Variants in CENPH observed in about 807,000 individuals in gnomAD.
CENPH encodes centromere protein H, also known as CENP-H.
Under a neutral mutation model 42.9 loss-of-function variants are expected in CENPH, and 40 were observed. The observed-to-expected ratio is 0.93, with a 90% CI of 0.72 to 1.21. The LOEUF (loss-of-function observed/expected upper bound fraction) is 1.21. Among genes scored for constraint, CENPH ranks in the 50% most tolerant of loss-of-function variants. The probability of loss-of-function intolerance (pLI) is 0.00; values close to 1 mark genes in which losing one functional copy is unlikely to be tolerated. For synonymous variants in CENPH, 88 were observed against 96.5 expected, an observed-to-expected ratio of 0.91 and a Z score of 0.52; for missense variants, 302 against 292.9, an observed-to-expected ratio of 1.03 and a Z score of -0.23.
intron 8 of CENPH, among the ~76,000 whole-genome samples, chr5:69,209,495 C>T (rs966471203): frequency 2.0e-5 from 3 of 151,110 alleles, no homozygotes; most frequent in Admixed American, 6.6e-5. Context: ...CTGAAGACCG[C>T]ACCATTGCAC....
intron 2 of CENPH, among the ~76,000 whole-genome samples, chr5:69,192,608 G>T (rs905207903): frequency 1.3e-5 from 2 of 151,970 alleles, no homozygotes; most frequent in African/African-American, 4.8e-5. Flanking sequence ...GTGAGACCTC[G>T]TCCCTACAAA....
chr5:69,204,597 C>CTTTTTTTTTTTTTTTTTTTT (rs530678541), intron 7 of CENPH, among the ~76,000 whole-genome samples: 1 of 69,594 alleles, frequency 1.4e-5, no homozygotes, highest in Non-Finnish European at 2.5e-5. Context: ...GCTTGTATTT[C>CTTTTTTTTTTTTTTTTTTTT]TTTTTTTTTT....
At chr5:69,205,762 G>A (rs1047347231) in intron 7 of CENPH, among the ~76,000 whole-genome samples, 2 of 130,690 alleles carry the variant, frequency 1.5e-5, no homozygotes, top group African/African-American at 5.8e-5. Context: ...AGGCTGGAGT[G>A]CAGTGGCACT....
chr5:69,192,201 T>C (rs967958774), intron 2 of CENPH, among the ~76,000 whole-genome samples: 1 of 152,202 alleles, frequency 6.6e-6, no homozygotes, highest in African/African-American at 2.4e-5. Flanking sequence ...GTGGCAAAAC[T>C]GGTAAACATG....
chr5:69,202,634 C>T, intron 6 of CENPH, 65 bp downstream of exon 6: 1 of 941,750 alleles, frequency 1.1e-6, no homozygotes, highest in Non-Finnish European at 1.7e-6. Context: ...TTGCTGGTAA[C>T]TGTATTGTAT....
chr5:69,204,740 G>A (rs901616610), intron 7 of CENPH, among the ~76,000 whole-genome samples: 6 of 150,424 alleles, frequency 4.0e-5, no homozygotes, highest in Non-Finnish European at 7.4e-5. Flanking sequence ...GGGTAGCTGG[G>A]ATTACATGCG....
At chr5:69,206,962 A>G (rs1748170163) in intron 7 of CENPH, among the ~76,000 whole-genome samples, 1 of 152,094 alleles carries the variant, frequency 6.6e-6, no homozygotes, top group South Asian at 2.1e-4. Flanking sequence ...TTCCTGCCTC[A>G]GCCTTCCAAA....
chr5:69,202,461 A>T, intron 5 of CENPH, 45 bp from the exon 6 acceptor site: 2 of 1,101,664 alleles, frequency 1.8e-6, no homozygotes, highest in Non-Finnish European at 2.7e-6. Flanking sequence ...TTTTTAATTA[A>T]GTTACAAATA....
chr5:69,207,409 G>A (rs1451695310), intron 7 of CENPH, among the ~76,000 whole-genome samples: 8 of 151,558 alleles, frequency 5.3e-5, no homozygotes, highest in African/African-American at 1.7e-4. Flanking sequence ...GGCTGGTCTC[G>A]AACTCCTGAC....
At position 69,208,098 on chromosome 5, in the gene CENPH, A is replaced by G. The variant is rs114463762; in HGVS notation, c.488-98A>G. The G allele has an allele frequency of 3.1e-3, 1,872 of 594,946 alleles. 17 individuals carry two copies. The highest frequency in any genetic ancestry group is 0.03 in the African/African-American group (1,563 of 51,764). 36.9% of individuals were successfully genotyped at this position (594,946 alleles called of 1,614,324 possible). ...GCTGCTTATTAAAATTTTTCTCTTG[A>G]CTAAAATAACCAAGAAGTGATCTGC... On this transcript the variant is annotated intron_variant, in intron 7 of 8. Coordinates refer to ENST00000283006, the MANE Select transcript of CENPH (RefSeq NM_022909.4).
intron 2 of CENPH, among the ~76,000 whole-genome samples, chr5:69,193,193 G>GTA (rs150147504): frequency 4.6e-5 from 7 of 151,160 alleles, no homozygotes; most frequent in South Asian, 2.1e-4. Context: ...GTGTATATAT[G>GTA]TATATATATG....
chr5:69,201,550 A>G (rs1748058952), intron 5 of CENPH, among the ~76,000 whole-genome samples: 1 of 152,226 alleles, frequency 6.6e-6, no homozygotes, highest in Non-Finnish European at 1.5e-5. Context: ...GCATGTAATT[A>G]TACATATGTC....
chr5:69,202,386 G>C, intron 5 of CENPH, 120 bp from the exon 6 acceptor site: 2 of 608,160 alleles, frequency 3.3e-6, no homozygotes, highest in Non-Finnish European at 5.9e-6. Context: ...TTTTATCCAA[G>C]TGTACGGTGG....
intron 8 of CENPH, 93 bp downstream of exon 8, chr5:69,208,452 T>G: frequency 2.7e-6 from 2 of 728,110 alleles, no homozygotes; most frequent in Admixed American, 5.5e-5. Context: ...CTCCGCCTCC[T>G]GGTTCAAGCA....
chr5:69,202,700 G>A, intron 6 of CENPH, 131 bp downstream of exon 6: 1 of 680,338 alleles, frequency 1.5e-6, no homozygotes, highest in Non-Finnish European at 2.5e-6. Context: ...CTGTCCTTGA[G>A]TTCTCTCTTT....
At chr5:69,191,177 A>G (rs578146908) in intron 1 of CENPH, among the ~76,000 whole-genome samples, 2 of 152,164 alleles carry the variant, frequency 1.3e-5, no homozygotes, top group South Asian at 2.1e-4. Context: ...ATTTTGGTCT[A>G]TTCTTTGTAT....
rs1747974946 is a variant in CENPH at position 69,196,990 on chromosome 5, A to AT, written c.315-56dup. The AT allele has an allele frequency of 1.2e-5, 13 of 1,069,254 alleles. No individual in the cohort carries two copies. In the South Asian group the frequency reaches 1.8e-4, roughly 14 times the overall value. 66.2% of individuals were successfully genotyped at this position (1,069,254 alleles called of 1,614,324 possible). A position where few individuals can be genotyped will look rare whatever the true frequency, so the allele number is the denominator to read the frequency against. ...GAAATCAATCTTTTTCATGTTTTGA[A>AT]TTTTTTTAATGTACCACAAATGTTA... On this transcript the variant is annotated intron_variant, in intron 4 of 8. Transcript: ENST00000283006.
chr5:69,202,915 A>G lies in CENPH; in HGVS notation c.436-4A>G, dbSNP rs996876886. On this transcript the variant is annotated splice_polypyrimidine_tract_variant and splice_region_variant and intron_variant, in intron 6 of 8. Transcript: ENST00000283006. ...TGCTTTAACTTTTTTATTTTTAATA[A>G]CAGGAATCTTGGGATTTAGAGGAAA... 11 of 1,544,250 alleles carry G rather than the reference A, an allele frequency of 7.1e-6. No homozygotes were observed. Among genetic ancestry groups the G allele is most frequent in the South Asian group, 1.1e-5 (1 of 87,182 alleles).
At chr5:69,190,874 G>C (rs1747858656) in intron 1 of CENPH, among the ~76,000 whole-genome samples, 2 of 151,770 alleles carry the variant, frequency 1.3e-5, no homozygotes, top group Non-Finnish European at 2.9e-5. Context: ...CTGGGCAATA[G>C]AGCAAGACTC....
Sources: allele counts gnomAD v4.1 joint callset (sites outside exome capture counted in the v4.1 genomes callset), GRCh38; gene constraint gnomAD v4.1.1; transcripts MANE v1.5; gene names NCBI Gene and HGNC (gene_info 2026-07-23, HGNC 2026-07-21).